The following BRMS1L variants were observed in gnomAD, a reference collection of about 807,000 sequenced individuals.
BRMS1L encodes the protein BRMS1 like transcriptional repressor.
BRMS1L carries 23 observed loss-of-function variants against 50.3 expected under a neutral mutation model. That is an observed-to-expected ratio of 0.46 (90% CI 0.33 to 0.65). The LOEUF is 0.65. Ranked by LOEUF, BRMS1L falls within the 30% of genes least tolerant of loss-of-function variation. The probability of loss-of-function intolerance (pLI) is 0.02; values close to 1 mark genes in which losing one functional copy is unlikely to be tolerated. For synonymous variants in BRMS1L, 114 were observed against 126.9 expected (o/e 0.90, Z 0.69); for missense variants, 286 against 386.1 (o/e 0.74, Z 2.17).
At chr14:35,862,713 T>C (rs1308111425) in intron 5 of BRMS1L, 27 bp downstream of exon 5, 2 of 1,536,064 alleles carry the variant, frequency 1.3e-6, no homozygotes, top group African/African-American at 2.7e-5. Flanking sequence ...GATTGTGATG[T>C]TTGAGTGGCA....
chr14:35,846,433 T>C (rs1407708266), intron 4 of BRMS1L, among the ~76,000 whole-genome samples: 1 of 152,008 alleles, frequency 6.6e-6, no homozygotes, highest in Non-Finnish European at 1.5e-5. Flanking sequence ...GACCACATGT[T>C]GTCATTGTCA....
At chr14:35,854,094 G>A (rs991214430) in intron 4 of BRMS1L, among the ~76,000 whole-genome samples, 2 of 152,036 alleles carry the variant, frequency 1.3e-5, no homozygotes, top group African/African-American at 4.8e-5. Flanking sequence ...CTTCAAACGA[G>A]ACATTATTTT....
At chr14:35,849,262 T>A (rs1405240514) in intron 4 of BRMS1L, among the ~76,000 whole-genome samples, 1 of 152,198 alleles carries the variant, frequency 6.6e-6, no homozygotes, top group African/African-American at 2.4e-5. Flanking sequence ...TGCACATTCC[T>A]GCTACCAACA....
At chr14:35,835,392 T>G (rs549142252) in intron 4 of BRMS1L, among the ~76,000 whole-genome samples, 1 of 152,348 alleles carries the variant, frequency 6.6e-6, no homozygotes, top group African/African-American at 2.4e-5. Flanking sequence ...TATTTTGCAT[T>G]TAACCCATTT....
At chr14:35,859,294 G>A (rs1422046245) in intron 4 of BRMS1L, among the ~76,000 whole-genome samples, 1 of 152,076 alleles carries the variant, frequency 6.6e-6, no homozygotes, top group Non-Finnish European at 1.5e-5. Context: ...TTTGAAATTA[G>A]GAGTATCAAA....
At position 35,870,657 on chromosome 14, in the gene BRMS1L, A is replaced by C. The variant is rs1594354177; in HGVS notation, c.*180A>C. 2.7e-6 allele frequency: 1 copy of C among 372,300 alleles called. No individual in the cohort carries two copies. The highest frequency in any genetic ancestry group is 4.9e-5 in the East Asian group (1 of 20,274). 23.1% of individuals were successfully genotyped at this position (372,300 alleles called of 1,614,324 possible). ...GTTATTAAAAGAAACAGTAATAAAAATTTTATCACGATCCTTACGTTGATT... is the reference window on the plus strand; with the variant it reads ...GTTATTAAAAGAAACAGTAATAAAACTTTTATCACGATCCTTACGTTGATT... On this transcript the variant is annotated 3_prime_UTR_variant, in exon 10 of 10. Transcript: ENST00000216807.
intron 4 of BRMS1L, among the ~76,000 whole-genome samples, chr14:35,844,175 C>T (rs1273532849): frequency 6.6e-6 from 1 of 152,142 alleles, no homozygotes; most frequent in African/African-American, 2.4e-5. Context: ...TGGCTTCAGC[C>T]TCTTTTCGAG....
At chr14:35,834,220 G>A (rs955862679) in intron 3 of BRMS1L, among the ~76,000 whole-genome samples, 3 of 152,040 alleles carry the variant, frequency 2.0e-5, no homozygotes, top group Non-Finnish European at 4.4e-5. Flanking sequence ...TTTGCGTGCC[G>A]TTTTTGTAGT....
intron 4 of BRMS1L, among the ~76,000 whole-genome samples, chr14:35,859,253 C>T (rs560811270): frequency 5.3e-5 from 8 of 152,012 alleles, no homozygotes; most frequent in South Asian, 2.1e-4. Context: ...CCATCCTACC[C>T]GTATTCAAGA....
intron 4 of BRMS1L, among the ~76,000 whole-genome samples, chr14:35,843,540 T>C (rs2078093406): frequency 1.3e-5 from 2 of 152,210 alleles, no homozygotes; most frequent in Admixed American, 1.3e-4. Flanking sequence ...TTGCTGCCTG[T>C]TCCTTCCTCT....
intron 2 of BRMS1L, among the ~76,000 whole-genome samples, chr14:35,832,655 T>C (rs2077937973): frequency 1.3e-5 from 2 of 152,250 alleles, no homozygotes; most frequent in Non-Finnish European, 2.9e-5. Flanking sequence ...AGTGTTTAAA[T>C]GACCTTTTCT....
intron 4 of BRMS1L, 103 bp downstream of exon 4, chr14:35,835,026 A>G: frequency 1.6e-6 from 1 of 616,388 alleles, no homozygotes; most frequent in Non-Finnish European, 2.4e-6. Context: ...ATTAAATAGT[A>G]CTTTAGCTCA....
At chr14:35,857,367 A>C (rs745483221) in intron 4 of BRMS1L, among the ~76,000 whole-genome samples, 1 of 151,772 alleles carries the variant, frequency 6.6e-6, no homozygotes, top group Non-Finnish European at 1.5e-5. Context: ...ATAGCCTTAT[A>C]ATTTATAATG....
At position 35,870,591 on chromosome 14, in the gene BRMS1L, G is replaced by A. The variant is rs1469498915; in HGVS notation, c.*114G>A. 3 of 648,782 alleles carry A rather than the reference G, an allele frequency of 4.6e-6. No individual in the cohort carries two copies. Among genetic ancestry groups the A allele is most frequent in the East Asian group, 2.7e-5 (1 of 36,526 alleles). 40.2% of individuals were successfully genotyped at this position (648,782 alleles called of 1,614,324 possible). ...TATTCTCACTGAATCATGAGAGAAT[G>A]TGTATTTGTAGGTAGTACTCTAAAT... On this transcript the variant is annotated 3_prime_UTR_variant, in exon 10 of 10. Transcript: ENST00000216807.
intron 5 of BRMS1L, 45 bp from the exon 6 acceptor site, chr14:35,863,825 G>T (rs756870622): frequency 1.9e-6 from 3 of 1,542,208 alleles, no homozygotes; most frequent in Admixed American, 2.0e-5. Flanking sequence ...TTCCTCCTTT[G>T]TTCACCAGAA....
intron 4 of BRMS1L, among the ~76,000 whole-genome samples, chr14:35,840,037 A>G (rs2078042996): frequency 6.6e-6 from 1 of 152,332 alleles, no homozygotes; most frequent in African/African-American, 2.4e-5. Flanking sequence ...ATTTTGAGAT[A>G]CATTCCATCA....
chr14:35,857,109 C>T (rs914916689), intron 4 of BRMS1L, among the ~76,000 whole-genome samples: 9 of 151,792 alleles, frequency 5.9e-5, no homozygotes, highest in South Asian at 4.2e-4. Context: ...GGCGTGGTCA[C>T]ACTTGCCTGT....
intron 4 of BRMS1L, among the ~76,000 whole-genome samples, chr14:35,836,316 T>C (rs2077992461): frequency 6.6e-6 from 1 of 152,138 alleles, no homozygotes; most frequent in African/African-American, 2.4e-5. Context: ...TTGAATTTAT[T>C]ATCTTTTTAT....
chr14:35,833,080 T>C lies in BRMS1L; in HGVS notation c.336T>C (p.Asn112=), dbSNP rs2077945706. 1 of 1,612,956 alleles carries C rather than the reference T, an allele frequency of 6.2e-7. No homozygotes were observed. Among genetic ancestry groups the C allele is most frequent in the South Asian group, 1.1e-5 (1 of 90,972 alleles). The change falls in exon 3 of 10, where the codon AAT becomes AAC. Residue 112 remains asparagine (N), a synonymous_variant. Transcript: ENST00000216807. The part of the protein sequence containing the change: ...YLEPLATLQE[N]MQIRTKVAGI... Reference sequence around the variant, plus strand: ...AACCGCTGGCAACTTTACAGGAAAATATGCAAATTCGTACAAAGGTAGCAG... The same window carrying C: ...AACCGCTGGCAACTTTACAGGAAAACATGCAAATTCGTACAAAGGTAGCAG...
Sources: gnomAD v4.1 joint callset for allele counts (sites outside exome capture counted in the v4.1 genomes callset) on GRCh38, gnomAD v4.1.1 for gene constraint, MANE v1.5 for transcripts, NCBI Gene and HGNC (gene_info 2026-07-23, HGNC 2026-07-21) for gene names.